Variants in JAM3 observed in about 807,000 individuals in gnomAD.
The protein encoded by JAM3 is junctional adhesion molecule 3, also known as junctional adhesion molecule C.
In JAM3, 31 loss-of-function variants were observed where a neutral mutation model predicts 39.4. That is an observed-to-expected ratio of 0.79 (90% CI 0.59 to 1.06). JAM3 has a LOEUF of 1.06. JAM3 is among the 50% of genes least tolerant of loss of function. The probability of loss-of-function intolerance (pLI) is 0.00; values close to 1 mark genes in which losing one functional copy is unlikely to be tolerated. For synonymous variants in JAM3, 182 were observed against 148.7 expected, an observed-to-expected ratio of 1.22 and a Z score of -1.63; for missense variants, 455 against 391.4, an observed-to-expected ratio of 1.16 and a Z score of -1.37.
chr11:134,131,207 T>C (rs1378154172), intron 1 of JAM3, among the ~76,000 whole-genome samples: 1 of 123,748 alleles, frequency 8.1e-6, no homozygotes. Context: ...CTCCAAAGAC[T>C]CAGACGGCTA....
intron 1 of JAM3, among the ~76,000 whole-genome samples, chr11:134,116,951 C>T (rs986506698): frequency 5.3e-5 from 8 of 151,962 alleles, no homozygotes; most frequent in South Asian, 4.1e-4. Context: ...TTACCTACAA[C>T]GTATTTATAG....
intron 1 of JAM3, among the ~76,000 whole-genome samples, chr11:134,137,741 T>C (rs1410349275): frequency 2.4e-4 from 31 of 130,880 alleles, no homozygotes; most frequent in African/African-American, 4.2e-4. Flanking sequence ...TGGCGTCTCG[T>C]CAAAGTCGTG....
intron 1 of JAM3, among the ~76,000 whole-genome samples, chr11:134,114,862 G>A (rs1942391683): frequency 6.6e-6 from 1 of 152,204 alleles, no homozygotes; most frequent in Non-Finnish European, 1.5e-5. Context: ...AGTAGGTCAA[G>A]TTAGTCGATA....
chr11:134,071,997 A>G (rs1941491099), intron 1 of JAM3, among the ~76,000 whole-genome samples: 1 of 152,182 alleles, frequency 6.6e-6, no homozygotes, highest in Non-Finnish European at 1.5e-5. Flanking sequence ...GCAGTATTAC[A>G]TTCAGGCAGA....
intron 1 of JAM3, among the ~76,000 whole-genome samples, chr11:134,106,714 A>G (rs187113474): frequency 8.8e-4 from 134 of 152,388 alleles, no homozygotes; most frequent in Admixed American, 1.5e-3. Context: ...TTATGCAGCC[A>G]AAAGACACAT....
chr11:134,130,517 T>A (rs1463464212), intron 1 of JAM3, among the ~76,000 whole-genome samples: 1 of 152,206 alleles, frequency 6.6e-6, no homozygotes, highest in African/African-American at 2.4e-5. Context: ...TCCAAGCTCC[T>A]GTTCACCAGC....
intron 1 of JAM3, among the ~76,000 whole-genome samples, chr11:134,137,281 C>T (rs1334941327): frequency 6.6e-6 from 1 of 152,162 alleles, no homozygotes; most frequent in African/African-American, 2.4e-5. Flanking sequence ...CTCAGTTGGC[C>T]TTCACGAAAA....
intron 2 of JAM3, 74 bp from the exon 3 acceptor site, chr11:134,140,583 G>C (rs1054011973): frequency 1.7e-6 from 2 of 1,200,420 alleles, no homozygotes; most frequent in African/African-American, 3.0e-5. Flanking sequence ...ATTAGAGCTT[G>C]CAGGGTCTGG....
intron 1 of JAM3, among the ~76,000 whole-genome samples, chr11:134,136,761 C>T (rs970934232): frequency 2.6e-5 from 4 of 152,150 alleles, no homozygotes; most frequent in East Asian, 1.9e-4. Flanking sequence ...TACAAAGCTG[C>T]TTGTGAAACT....
chr11:134,134,369 G>A (rs1043254913), intron 1 of JAM3, among the ~76,000 whole-genome samples: 6 of 88,924 alleles, frequency 6.7e-5, no homozygotes, highest in Admixed American at 1.7e-4. Context: ...GATCCATGAA[G>A]CTCAGAAAAC....
At chr11:134,133,933 A>G (rs1325798104) in intron 1 of JAM3, among the ~76,000 whole-genome samples, 1 of 152,192 alleles carries the variant, frequency 6.6e-6, no homozygotes. Context: ...TATGGAAGAG[A>G]TGTTGGAATT....
In JAM3 at chr11:134,149,433, T is replaced by TC. The variant is rs1943149426; in HGVS notation, c.*254dup. On this transcript the variant is annotated 3_prime_UTR_variant, in exon 9 of 9. Transcript: ENST00000299106. Reference sequence around the variant, plus strand: ...ACTGGGTGCGTTCACTGAGTTGGGTTCCTAATCTGTTTCTGGCCTGATTCC... The same window carrying TC: ...ACTGGGTGCGTTCACTGAGTTGGGTTCCCTAATCTGTTTCTGGCCTGATTCC... The TC allele has an allele frequency of 3.3e-6, 2 of 601,236 alleles. No individual in the cohort carries two copies. Among genetic ancestry groups the TC allele is most frequent in the Non-Finnish European group, 6.0e-6 (2 of 335,510 alleles). The allele number at this position is 601,236 out of a possible 1,614,324, so 37.2% of individuals were successfully genotyped here.
intron 1 of JAM3, among the ~76,000 whole-genome samples, chr11:134,091,211 A>G (rs1028617196): frequency 2.6e-5 from 4 of 152,090 alleles, no homozygotes; most frequent in Admixed American, 6.6e-5. Context: ...AAATAAAAAT[A>G]AGGGCTGGGC....
intron 5 of JAM3, chr11:134,145,570 G>GTAC (rs1943057159): frequency 2.9e-6 from 1 of 344,180 alleles, no homozygotes; most frequent in African/African-American, 2.1e-5. Flanking sequence ...CTCCTGGGAG[G>GTAC]TACCTTCTGA....
intron 1 of JAM3, among the ~76,000 whole-genome samples, chr11:134,136,363 C>T (rs916083575): frequency 1.3e-5 from 2 of 152,192 alleles, no homozygotes; most frequent in African/African-American, 4.8e-5. Flanking sequence ...TATCCCCAGG[C>T]ATTGGGCAGG....
intron 1 of JAM3, among the ~76,000 whole-genome samples, chr11:134,092,580 C>T (rs959978256): frequency 6.7e-6 from 1 of 150,254 alleles, no homozygotes; most frequent in Admixed American, 6.6e-5. Flanking sequence ...CATGTCACTT[C>T]CTGAGGGAAG....
intron 1 of JAM3, among the ~76,000 whole-genome samples, chr11:134,123,651 A>G (rs1034373204): frequency 5.9e-5 from 9 of 152,178 alleles, no homozygotes; most frequent in Admixed American, 5.2e-4. Context: ...TATTCATTTT[A>G]TAGAGAGATT....
intron 1 of JAM3, among the ~76,000 whole-genome samples, chr11:134,079,447 C>T (rs937874052): frequency 1.3e-5 from 2 of 152,216 alleles, no homozygotes; most frequent in East Asian, 1.9e-4. Context: ...CTGAAAGGTG[C>T]CGTCTGATGT....
At position 134,116,855 on chromosome 11, in the gene JAM3, G is replaced by A. The variant is rs190247916; in HGVS notation, c.77-22996G>A. On this transcript the variant is annotated intron_variant, in intron 1 of 8. Transcript: ENST00000299106. ...AATAAACATTAGTTTATAGTGGTAT[G>A]TCTGACTCAAATTCAGCACTACAGG... Among the ~76,000 whole-genome samples, 21 of 152,154 alleles carry A rather than the reference G, an allele frequency of 1.4e-4. No homozygotes were observed. The East Asian group carries it at 3.9e-3, about 28-fold the overall frequency.
Sources: gnomAD v4.1 joint callset for allele counts (sites outside exome capture counted in the v4.1 genomes callset) on GRCh38, gnomAD v4.1.1 for gene constraint, MANE v1.5 for transcripts, NCBI Gene and HGNC (gene_info 2026-07-23, HGNC 2026-07-21) for gene names.